The following ZNF816 variants were observed in gnomAD, a reference collection of about 807,000 sequenced individuals.
ZNF816 encodes zinc finger protein 816, also known as zinc finger protein 816A.
A neutral mutation model predicts 8.3 loss-of-function variants in ZNF816; 11 were observed. The ratio of observed to expected loss-of-function variants is 1.32; its 90% confidence interval spans 0.83 to 2.19. ZNF816 has a LOEUF of 2.19. ZNF816 is among the 30% of genes most tolerant of loss of function. The pLI is 0.00. For synonymous variants in ZNF816, 255 were observed against 254.5 expected, an observed-to-expected ratio of 1.00 and a Z score of -0.02; for missense variants, 710 against 779.3, an observed-to-expected ratio of 0.91 and a Z score of 1.06.
chr19:52,952,884 T>TA lies in ZNF816; in HGVS notation c.64-8dup, dbSNP rs767106085. 1 of 1,587,140 alleles carries TA rather than the reference T, an allele frequency of 6.3e-7. No homozygotes were observed. The highest frequency in any genetic ancestry group is 1.2e-5 in the South Asian group (1 of 86,814). The stretch of plus-strand genomic sequence containing the variant: ...CCCTGAAAGTCAAGCGTCCCTAAAA[T>TA]AAAAAACACGTTTCAACAAAACATT... On this transcript the variant is annotated splice_region_variant and splice_polypyrimidine_tract_variant and intron_variant, in intron 2 of 3. Transcript: ENST00000444460.
At chr19:52,955,708 C>T (rs183779405) in intron 2 of ZNF816, among the ~76,000 whole-genome samples, 124 of 152,300 alleles carry the variant, frequency 8.1e-4, no homozygotes, top group African/African-American at 2.9e-3. Context: ...AAGAGCTAAA[C>T]ATGCATCCAG....
intron 1 of ZNF816, among the ~76,000 whole-genome samples, chr19:52,961,688 G>C (rs34271098): frequency 0.046 from 6,931 of 152,314 alleles, 186 homozygotes; most frequent in Middle Eastern, 0.095. Context: ...TCCCAAACCA[G>C]TGTTTCAAGC....
intron 2 of ZNF816, among the ~76,000 whole-genome samples, chr19:52,953,807 A>T (rs1477115989): frequency 2.7e-5 from 4 of 147,766 alleles, no homozygotes; most frequent in Admixed American, 2.1e-4. Flanking sequence ...TGGGAGACCA[A>T]GGTGGGTGGA....
At chr19:52,955,893 T>G in intron 2 of ZNF816, 134 bp downstream of exon 2, 1 of 1,185,136 alleles carries the variant, frequency 8.4e-7, no homozygotes, top group Non-Finnish European at 1.2e-6. Flanking sequence ...TGAGAGGGAC[T>G]GAGAAAAGAC....
At position 52,958,282 on chromosome 19, in the gene ZNF816, G is replaced by A. The variant is rs112488785; in HGVS notation, c.-15-2178C>T. 6.7e-3 allele frequency among the ~76,000 whole-genome samples: 1,020 copies of A among 152,212 alleles called. 15 individuals are homozygous for A. Among genetic ancestry groups the A allele is most frequent in the African/African-American group, 0.023 (955 of 41,516 alleles). ...CTTTACATCCAACAGTACCTAACCC[G>A]TACACGTTAAGGTTGCTGCCAGCTG... is the stretch of plus-strand genomic sequence containing the variant. On this transcript the variant is annotated intron_variant, in intron 1 of 3. Transcript: ENST00000444460.
At position 52,953,144 on chromosome 19, in the gene ZNF816, C is replaced by T. The variant is rs560638159; in HGVS notation, c.64-267G>A. 900 of 415,300 alleles carry T rather than the reference C, an allele frequency of 2.2e-3. 2 individuals are homozygous for T. The highest frequency in any genetic ancestry group is 3.2e-3 in the Non-Finnish European group (808 of 254,736). The allele number at this position is 415,300 out of a possible 1,614,324, so 25.7% of individuals were successfully genotyped here. A position where few individuals can be genotyped will look rare whatever the true frequency, so the allele number is the denominator to read the frequency against. On this transcript the variant is annotated intron_variant, in intron 2 of 3. Coordinates refer to ENST00000444460, the MANE Select transcript of ZNF816 (RefSeq NM_001202457.3). The stretch of plus-strand genomic sequence containing the variant: ...GGAATGGTGGCTCATGCCTAAAATC[C>T]CAGCACTTTGTGAGACCAAGGCAGG...
Position 52,949,391 on chromosome 19 carries a change from G to A in ZNF816, c.*428C>T, listed in dbSNP as rs147713568. ...ACTCTAATGTCAATTAAAGTTTTATGATTTTTTATATTCATTTTATTTGGA... is the reference window on the plus strand; with the variant it reads ...ACTCTAATGTCAATTAAAGTTTTATAATTTTTTATATTCATTTTATTTGGA... On this transcript the variant is annotated 3_prime_UTR_variant, in exon 4 of 4. Coordinates refer to ENST00000444460, the MANE Select transcript of ZNF816 (RefSeq NM_001202457.3). 7 of 298,594 alleles carry A rather than the reference G, an allele frequency of 2.3e-5. No individual in the cohort carries two copies. Among genetic ancestry groups the A allele is most frequent in the Non-Finnish European group, 4.7e-5 (7 of 148,904 alleles). 18.5% of individuals were successfully genotyped at this position (298,594 alleles called of 1,614,324 possible). A position where few individuals can be genotyped will look rare whatever the true frequency, so the allele number is the denominator to read the frequency against.
chr19:52,958,089 G>C (rs2083525545), intron 1 of ZNF816, among the ~76,000 whole-genome samples: 1 of 152,164 alleles, frequency 6.6e-6, no homozygotes, highest in Non-Finnish European at 1.5e-5. Context: ...CTGGTCCCCA[G>C]AGAAGATCTT....
rs148559635 is a variant in ZNF816, at chr19:52,958,883, G to A, written c.-15-2779C>T. Among the ~76,000 whole-genome samples, 172 of 152,322 alleles carry A rather than the reference G, an allele frequency of 1.1e-3. 1 individual carries two copies. The highest frequency in any genetic ancestry group is 0.01 in the Middle Eastern group (3 of 294). On this transcript the variant is annotated intron_variant, in intron 1 of 3. Coordinates refer to ENST00000444460, the MANE Select transcript of ZNF816 (RefSeq NM_001202457.3). ...CGGAGTCACAAAGGGGCAGGACCAG[G>A]AACCTTTTGAACGGAGATCCCAACA...
chr19:52,950,627 G>A lies in ZNF816; in HGVS notation c.1148C>T (p.Ser383Phe), dbSNP rs138017999. 13,224 of 1,614,040 alleles carry A rather than the reference G, an allele frequency of 8.2e-3. 132 individuals are homozygous for A. The highest frequency in any genetic ancestry group is 8.0e-3 in the Non-Finnish European group (9,466 of 1,180,008). The change falls in exon 4 of 4, where the codon TCC becomes TTC. Residue 383 changes from serine to phenylalanine, a missense_variant. By Grantham distance (155) the Ser-to-Phe change is radical. Coordinates refer to ENST00000444460, the MANE Select transcript of ZNF816 (RefSeq NM_001202457.3). The stretch of plus-strand genomic sequence containing the variant: ...GTGAAGTATATGATGGCATTGAAGG[G>A]ATGATTTCTGACTGAAGGTCTTGCC... ...ECGKTFSQKS[S>F]LQCHHILHTG...
chr19:52,953,483 AT>A (rs1261867220), intron 2 of ZNF816: 11 of 130,634 alleles, frequency 8.4e-5, no homozygotes, highest in African/African-American at 3.4e-4. Flanking sequence ...ATATAAATAT[AT>A]AATATATATT....
intron 2 of ZNF816, among the ~76,000 whole-genome samples, chr19:52,953,706 A>G (rs927506950): frequency 2.2e-5 from 3 of 138,986 alleles, no homozygotes; most frequent in Admixed American, 7.8e-5. Flanking sequence ...ATATTATTAA[A>G]TAAAGATATT....
In ZNF816 at chr19:52,952,774, T is replaced by C; in HGVS notation, c.167A>G (p.Asn56Ser). Reference protein sequence around the residue: ...RALYRAVMLENYRNLEFVDSS... With the variant: ...RALYRAVMLESYRNLEFVDSS... ...ACCCACAAACTCCAGGTTCCTGTAGTTCTCCAACATCACAGCCCTGTATAA... is the reference window on the plus strand; with the variant it reads ...ACCCACAAACTCCAGGTTCCTGTAGCTCTCCAACATCACAGCCCTGTATAA... The change falls in exon 3 of 4, where the codon AAC becomes AGC. Residue 56 changes from asparagine to serine, a missense_variant. By Grantham distance (46) the Asn-to-Ser change is conservative. Transcript: ENST00000444460. 1.2e-6 allele frequency: 2 copies of C among 1,614,060 alleles called. No homozygotes were observed. Among genetic ancestry groups the C allele is most frequent in the African/African-American group, 2.7e-5 (2 of 75,022 alleles).
rs755594817 is a variant in ZNF816 at position 52,950,557 on chromosome 19, G to A, written c.1218C>T (p.Tyr406=). 3.1e-6 allele frequency: 5 copies of A among 1,613,030 alleles called. No individual in the cohort carries two copies. In the Admixed American group the frequency reaches 5.0e-5, roughly 16 times the overall value. The part of the protein sequence containing the change: ...PYKCEECDNV[Y]IRRSHLERHR... Reference sequence around the variant, plus strand: ...GTCTTTCAAGGTGTGATCTGCGAATGTAAACATTGTCACATTCTTCACATT... The same window carrying A: ...GTCTTTCAAGGTGTGATCTGCGAATATAAACATTGTCACATTCTTCACATT... The change falls in exon 4 of 4, where the codon TAC becomes TAT. Residue 406 remains tyrosine (Y), a synonymous_variant. Transcript: ENST00000444460.
intron 2 of ZNF816, chr19:52,953,477 A>T (rs1403466787): frequency 8.2e-6 from 1 of 121,318 alleles, no homozygotes; most frequent in Non-Finnish European, 1.6e-5. Context: ...TATTATATAT[A>T]AATATATAAT....
intron 1 of ZNF816, among the ~76,000 whole-genome samples, chr19:52,961,455 T>C (rs1034184022): frequency 6.6e-6 from 1 of 152,210 alleles, no homozygotes; most frequent in Non-Finnish European, 1.5e-5. Flanking sequence ...CCATGTGTTA[T>C]TTAGGCTACT....
At chr19:52,956,942 T>C (rs1319645087) in intron 1 of ZNF816, among the ~76,000 whole-genome samples, 2 of 152,192 alleles carry the variant, frequency 1.3e-5, no homozygotes, top group Non-Finnish European at 2.9e-5. Flanking sequence ...ATTCTAGACA[T>C]TGTATGAAGA....
intron 2 of ZNF816, among the ~76,000 whole-genome samples, chr19:52,953,858 G>A (rs2083487027): frequency 1.3e-5 from 2 of 148,772 alleles, no homozygotes; most frequent in East Asian, 2.0e-4. Flanking sequence ...TCTCCAACAT[G>A]GCAAAACTCC....
intron 2 of ZNF816, among the ~76,000 whole-genome samples, chr19:52,955,237 A>C (rs2083499832): frequency 6.6e-6 from 1 of 152,218 alleles, no homozygotes; most frequent in Admixed American, 6.5e-5. Flanking sequence ...CAAAGTGCTG[A>C]GAATGATTTA....
Sources: gnomAD v4.1 joint callset for allele counts (sites outside exome capture counted in the v4.1 genomes callset) on GRCh38, gnomAD v4.1.1 for gene constraint, MANE v1.5 for transcripts, NCBI Gene and HGNC (gene_info 2026-07-23, HGNC 2026-07-21) for gene names.